Variants in IRS2 observed in about 807,000 individuals in gnomAD.
IRS2 encodes insulin receptor substrate 2.
Under a neutral mutation model 70.9 loss-of-function variants are expected in IRS2, and 28 were observed. That is an observed-to-expected ratio of 0.39 (90% CI 0.29 to 0.54). The LOEUF is 0.54. Among genes scored for constraint, IRS2 ranks in the 20% least tolerant of loss-of-function variants. The pLI is 0.59. For synonymous variants in IRS2, 1,217 were observed against 981.9 expected, an observed-to-expected ratio of 1.24 and a Z score of -4.48; for missense variants, 2,081 against 2,024.1, an observed-to-expected ratio of 1.03 and a Z score of -0.54.
rs1024702486 is a variant in IRS2, at chr13:109,784,187, C to T, written c.1867G>A (p.Val623Met). ...CPSCPASSPKVAYHPYPEDYG... is the reference protein window; with the variant it reads ...CPSCPASSPKMAYHPYPEDYG... ...TCCTCTGGGTAGGGGTGGTAGGCCA[C>T]CTTGGGAGAGGACGCGGGGCAGGAC... The change falls in exon 1 of 2, where the codon GTG becomes ATG. Residue 623 changes from valine to methionine, a missense_variant. Val to Met is a conservative substitution (Grantham distance 21). Transcript: ENST00000375856. The surrounding 1 kb of genome is among the most constrained non-coding windows in gnomAD (Gnocchi z 5.2). 2 of 1,577,312 alleles carry T rather than the reference C, an allele frequency of 1.3e-6. No homozygotes were observed. Among genetic ancestry groups the T allele is most frequent in the African/African-American group, 1.3e-5 (1 of 74,264 alleles).
intron 1 of IRS2, among the ~76,000 whole-genome samples, chr13:109,761,260 T>C (rs1311417493): frequency 6.6e-6 from 1 of 152,134 alleles, no homozygotes; most frequent in Admixed American, 6.5e-5. Flanking sequence ...GCCAAATTCA[T>C]GGAGTAGGTA....
rs1877012994 is a variant in IRS2 at position 109,752,798 on chromosome 13, G to A, written c.*3506C>T. ...ATGCACGGACAAATGTTTCAAGCAAGGAGGTAAAACTCTCCTGGATAAAAA... is the reference window on the plus strand; with the variant it reads ...ATGCACGGACAAATGTTTCAAGCAAAGAGGTAAAACTCTCCTGGATAAAAA... On this transcript the variant is annotated 3_prime_UTR_variant, in exon 2 of 2. Coordinates refer to ENST00000375856, the MANE Select transcript of IRS2 (RefSeq NM_003749.3). 6.6e-6 allele frequency: 1 copy of A among 152,184 alleles called. No individual in the cohort carries two copies. Among genetic ancestry groups the A allele is most frequent in the Non-Finnish European group, 1.5e-5 (1 of 68,026 alleles). 9.4% of individuals were successfully genotyped at this position (152,184 alleles called of 1,614,324 possible).
Position 109,784,020 on chromosome 13 carries a change from C to G in IRS2, c.2034G>C (p.Met678Ile), listed in dbSNP as rs1877826099. The G allele has an allele frequency of 6.5e-7, 1 of 1,537,864 alleles. No homozygotes were observed. The highest frequency in any genetic ancestry group is 1.2e-5 in the South Asian group (1 of 84,174). Residue 678 changes from methionine (M) to isoleucine (I), a missense_variant, in exon 1 of 2, where the codon ATG becomes ATC. Transcript: ENST00000375856. This position sits in a 1 kb window ranked among gnomAD's most constrained non-coding sequence, Gnocchi z 5.2. ...GSCRSDDYMPMSPASVSAPKQ... is the reference protein window; with the variant it reads ...GSCRSDDYMPISPASVSAPKQ... The stretch of plus-strand genomic sequence containing the variant: ...TGGGGGCGGACACGCTGGCGGGGCT[C>G]ATGGGCATGTAGTCGTCGCTCCTGC...
In IRS2 at chr13:109,785,247, C is replaced by T. The variant is rs778139684; in HGVS notation, c.807G>A (p.Glu269=). 1 of 1,607,032 alleles carries T rather than the reference C, an allele frequency of 6.2e-7. No homozygotes were observed. Among genetic ancestry groups the T allele is most frequent in the South Asian group, 1.1e-5 (1 of 90,138 alleles). ...CCGAGTCGTCCGCCTGCATCCACAG[C>T]TCGCCGGGGCCTGTGACGGCCGAGC... ...VGRSAVTGPG[E]LWMQADDSVV... Residue 269 remains glutamate (E), a synonymous_variant, in exon 1 of 2, where the codon GAG becomes GAA. Coordinates refer to ENST00000375856, the MANE Select transcript of IRS2 (RefSeq NM_003749.3). This position sits in a 1 kb window ranked among gnomAD's most constrained non-coding sequence, Gnocchi z 9.3.
chr13:109,755,220 T>TTA lies in IRS2; in HGVS notation c.*1083_*1084insTA, dbSNP rs1446087105. 6 of 149,480 alleles carry TTA rather than the reference T, an allele frequency of 4.0e-5. No homozygotes were observed. Among genetic ancestry groups the TTA allele is most frequent in the African/African-American group, 2.0e-4 (5 of 24,730 alleles). The allele number at this position is 149,480 out of a possible 1,614,324, so 9.3% of individuals were successfully genotyped here. On this transcript the variant is annotated 3_prime_UTR_variant, in exon 2 of 2. Transcript: ENST00000375856. Reference sequence around the variant, plus strand: ...TTATCAGTTTCTTTCTTTCCTTTTTTTTTTTTCTTTTTGTTTTTTTTGTTC... The same window carrying TTA: ...TTATCAGTTTCTTTCTTTCCTTTTTTTATTTTTTCTTTTTGTTTTTTTTGTTC...
rs1199833128 is a variant in IRS2, at chr13:109,752,947, C to T, written c.*3357G>A. The T allele has an allele frequency of 1.4e-5, 2 of 147,678 alleles. No individual in the cohort carries two copies. Among genetic ancestry groups the T allele is most frequent in the African/African-American group, 5.0e-5 (2 of 39,788 alleles). The allele number at this position is 147,678 out of a possible 1,614,324, so 9.1% of individuals were successfully genotyped here. ...TTCTTCTGTGTTTGTGTCATGGAGG[C>T]AGCATTCTTCTTCTTTTTTTTTTTT... is the stretch of plus-strand genomic sequence containing the variant. On this transcript the variant is annotated 3_prime_UTR_variant, in exon 2 of 2. Transcript: ENST00000375856.
At chr13:109,777,635 T>A (rs1249618316) in intron 1 of IRS2, among the ~76,000 whole-genome samples, 1 of 152,198 alleles carries the variant, frequency 6.6e-6, no homozygotes, top group East Asian at 1.9e-4. Flanking sequence ...CAATGAGTAG[T>A]CAAACAACCT....
At position 109,759,374 on chromosome 13, in the gene IRS2, C is replaced by T. The variant is rs185255935; in HGVS notation, c.4013-3066G>A. ...ACCCTTTGGGATGCTTGGAAGCGCT[C>T]GCGGTGATTTAAACAGAATTAACCA... On this transcript the variant is annotated intron_variant, in intron 1 of 1. Coordinates refer to ENST00000375856, the MANE Select transcript of IRS2 (RefSeq NM_003749.3). Among the ~76,000 whole-genome samples, 15 of 152,106 alleles carry T rather than the reference C, an allele frequency of 9.9e-5. No homozygotes were observed. In the East Asian group the frequency reaches 1.7e-3, roughly 18 times the overall value.
chr13:109,756,077 G>A lies in IRS2; in HGVS notation c.*227C>T, dbSNP rs1056194986. Reference sequence around the variant, plus strand: ...TTGTTAAAACAAAACAAAACAAAACGCAAACAGCACAATGATGAATGCCCC... The same window carrying A: ...TTGTTAAAACAAAACAAAACAAAACACAAACAGCACAATGATGAATGCCCC... On this transcript the variant is annotated 3_prime_UTR_variant, in exon 2 of 2. Transcript: ENST00000375856. 1.4e-5 allele frequency: 7 copies of A among 485,216 alleles called. No individual in the cohort carries two copies. The highest frequency in any genetic ancestry group is 6.0e-5 in the East Asian group (2 of 33,502). The allele number at this position is 485,216 out of a possible 1,614,324, so 30.1% of individuals were successfully genotyped here.
At chr13:109,767,672 C>G (rs746845102) in intron 1 of IRS2, among the ~76,000 whole-genome samples, 1 of 151,862 alleles carries the variant, frequency 6.6e-6, no homozygotes, top group Non-Finnish European at 1.5e-5. Context: ...CCTTCTCTTC[C>G]CAGAGAGCAT....
At chr13:109,762,810 C>T (rs2138913455) in intron 1 of IRS2, among the ~76,000 whole-genome samples, 1 of 152,330 alleles carries the variant, frequency 6.6e-6, no homozygotes, top group East Asian at 1.9e-4. Context: ...CCATTTCTCA[C>T]AGGCAGAAAT....
rs1398748912 is a variant in IRS2 at position 109,784,700 on chromosome 13, T to C, written c.1354A>G (p.Ser452Gly). The stretch of plus-strand genomic sequence containing the variant: ...GGGTAGGAGCCCGAGCCGTGGCCGC[T>C]GCTGGACGACAGGGAGCCGGGGCTG... ...ATSPGSLSSSSGHGSGSYPPP... is the reference protein window; with the variant it reads ...ATSPGSLSSSGGHGSGSYPPP... Residue 452 changes from serine to glycine, a missense_variant, in exon 1 of 2, where the codon AGC (serine) becomes GGC (glycine). By Grantham distance (56) the Ser-to-Gly change is moderately conservative (BLOSUM62 0). Around this residue, in one of 4 missense-constraint regions of IRS2, gnomAD observed 1,615 missense variants for 1,459.5 expected, o/e 1.11. Transcript: ENST00000375856. This position sits in a 1 kb window ranked among gnomAD's most constrained non-coding sequence, Gnocchi z 5.2. 4 of 1,232,548 alleles carry C rather than the reference T, an allele frequency of 3.2e-6. No individual in the cohort carries two copies. In the African/African-American group the frequency reaches 4.7e-5, roughly 15 times the overall value. The allele number at this position is 1,232,548 out of a possible 1,614,324, so 76.4% of individuals were successfully genotyped here.
intron 1 of IRS2, 60 bp downstream of exon 1, chr13:109,781,982 G>C (rs753831370): frequency 2.5e-6 from 4 of 1,572,078 alleles, no homozygotes; most frequent in Non-Finnish European, 3.5e-6. Flanking sequence ...AAACCCAAGA[G>C]GCTCCCTCAG....
chr13:109,756,848 T>C lies in IRS2; in HGVS notation c.4013-540A>G, dbSNP rs528066417. Among the ~76,000 whole-genome samples, 19 of 152,338 alleles carry C rather than the reference T, an allele frequency of 1.2e-4. 1 individual carries two copies. The highest frequency in any genetic ancestry group is 9.8e-4 in the Admixed American group (15 of 15,304). ...AGTGGAGTAACTAATAACTCCACAC[T>C]TCTGCCCTCAGAAAACTTCCAACCG... On this transcript the variant is annotated intron_variant, in intron 1 of 1. Transcript: ENST00000375856.
rs745470594 is a variant in IRS2 at position 109,784,302 on chromosome 13, C to T, written c.1752G>A (p.Gln584=). 6.3e-7 allele frequency: 1 copy of T among 1,599,806 alleles called. No individual in the cohort carries two copies. The highest frequency in any genetic ancestry group is 1.1e-5 in the South Asian group (1 of 90,632). Residue 584 remains glutamine, a synonymous_variant, in exon 1 of 2, where the codon CAG becomes CAA. Coordinates refer to ENST00000375856, the MANE Select transcript of IRS2 (RefSeq NM_003749.3). The surrounding 1 kb of genome is among the most constrained non-coding windows in gnomAD (Gnocchi z 5.2). The part of the protein sequence containing the change: ...RTYSLTTPAR[Q]RPVPQPSSAS... Reference sequence around the variant, plus strand: ...CAGAGGAGGGCTGGGGCACCGGCCGCTGCCGGGCTGGCGTGGTCAGGGAGT... The same window carrying T: ...CAGAGGAGGGCTGGGGCACCGGCCGTTGCCGGGCTGGCGTGGTCAGGGAGT...
At chr13:109,759,885 C>T (rs1251404837) in intron 1 of IRS2, among the ~76,000 whole-genome samples, 1 of 152,154 alleles carries the variant, frequency 6.6e-6, no homozygotes, top group Admixed American at 6.5e-5. Flanking sequence ...CAGTGACACT[C>T]CCCTACCCCA....
chr13:109,776,407 A>G (rs1877580557), intron 1 of IRS2, among the ~76,000 whole-genome samples: 1 of 152,264 alleles, frequency 6.6e-6, no homozygotes, highest in Non-Finnish European at 1.5e-5. Context: ...AAGTGACTCT[A>G]TACAAACTTA....
At chr13:109,759,009 A>G (rs999917830) in intron 1 of IRS2, among the ~76,000 whole-genome samples, 6 of 152,154 alleles carry the variant, frequency 3.9e-5, no homozygotes. Context: ...GCACACTCAA[A>G]GGACACAAGA....
chr13:109,779,745 A>T (rs1877655894), intron 1 of IRS2, among the ~76,000 whole-genome samples: 1 of 152,154 alleles, frequency 6.6e-6, no homozygotes, highest in Non-Finnish European at 1.5e-5. Flanking sequence ...AGGGTTCATC[A>T]TGATACCCAC....
Sources: gnomAD v4.1 joint callset for allele counts (sites outside exome capture counted in the v4.1 genomes callset) on GRCh38, gnomAD v4.1.1 for gene constraint, gnomAD v4.1.1 regional missense constraint, Gnocchi (gnomAD v3.1) non-coding constraint, MANE v1.5 for transcripts, NCBI Gene and HGNC (gene_info 2026-07-23, HGNC 2026-07-21) for gene names.